PPP2R2C: variants seen among roughly 807,000 people sequenced by gnomAD.
The protein encoded by PPP2R2C is protein phosphatase 2, regulatory subunit B, gamma.
In PPP2R2C, 10 loss-of-function variants were observed where a neutral mutation model predicts 45.3. The observed-to-expected ratio is 0.22, with a 90% CI of 0.14 to 0.37. The LOEUF (loss-of-function observed/expected upper bound fraction) is 0.37. Ranked by LOEUF, PPP2R2C falls within the 10% of genes least tolerant of loss-of-function variation. The pLI, the probability that PPP2R2C is intolerant of heterozygous loss-of-function variation, is 1.00. For synonymous variants in PPP2R2C, 257 were observed against 245.4 expected, an observed-to-expected ratio of 1.05 and a Z score of -0.44; for missense variants, 308 against 619.7, an observed-to-expected ratio of 0.50 and a Z score of 5.34.
intron 2 of PPP2R2C, among the ~76,000 whole-genome samples, chr4:6,493,830 T>C (rs1405745246): frequency 6.6e-6 from 1 of 152,100 alleles, no homozygotes; most frequent in Non-Finnish European, 1.5e-5. Flanking sequence ...GTCGACTCTT[T>C]AGTCGGGAGC....
At chr4:6,445,394 T>C (rs916558096) in intron 1 of PPP2R2C, among the ~76,000 whole-genome samples, 1 of 152,252 alleles carries the variant, frequency 6.6e-6, no homozygotes, top group African/African-American at 2.4e-5. Flanking sequence ...TAAGAGAATT[T>C]AGCCAAGTTT....
intron 1 of PPP2R2C, among the ~76,000 whole-genome samples, chr4:6,460,215 G>C (rs1363952153): frequency 6.6e-6 from 1 of 152,144 alleles, no homozygotes; most frequent in Non-Finnish European, 1.5e-5. Context: ...GACTGTGTTT[G>C]ACAAAAAGGA....
intron 1 of PPP2R2C, among the ~76,000 whole-genome samples, chr4:6,447,810 C>T (rs573249522): frequency 2.9e-3 from 439 of 152,284 alleles, no homozygotes; most frequent in African/African-American, 0.01. Context: ...TTCTCCCGTG[C>T]CTCAGCTACG....
chr4:6,381,382 C>G lies in PPP2R2C; in HGVS notation c.71-288G>C, dbSNP rs1355857027. ...GCAGACTTTATAGTAACTGGACACT[C>G]TATGGGACTCACGGTGGTATCTGAA... On this transcript the variant is annotated intron_variant, in intron 1 of 8. Transcript: ENST00000382599. The G allele has an allele frequency of 2.0e-6, 3 of 1,469,116 alleles. No homozygotes were observed. The Admixed American group carries it at 6.3e-5, about 31-fold the overall frequency. 91.0% of individuals were successfully genotyped at this position (1,469,116 alleles called of 1,614,324 possible). A position where few individuals can be genotyped will look rare whatever the true frequency, so the allele number is the denominator to read the frequency against.
intron 1 of PPP2R2C, among the ~76,000 whole-genome samples, chr4:6,552,875 TAGC>T (rs1454430215): frequency 6.6e-6 from 1 of 152,118 alleles, no homozygotes; most frequent in Non-Finnish European, 1.5e-5. Flanking sequence ...GTCATGTGAG[TAGC>T]AGAGGCAAGA....
In PPP2R2C at chr4:6,378,336, A is replaced by G; in HGVS notation, c.334+71T>C. ...AGAAAAATGCTCACAATATAAGTGA[A>G]ATACAAACCAGCATTTGGTAGAAAC... On this transcript the variant is annotated intron_variant, in intron 3 of 8. Transcript: ENST00000382599. This position sits in a 1 kb window ranked among gnomAD's most constrained non-coding sequence, Gnocchi z 5.2. 1 of 1,604,198 alleles carries G rather than the reference A, an allele frequency of 6.2e-7. No homozygotes were observed. The highest frequency in any genetic ancestry group is 8.5e-7 in the Non-Finnish European group (1 of 1,176,728).
At chr4:6,382,982 A>T in intron 1 of PPP2R2C, 1 of 1,076,026 alleles carries the variant, frequency 9.3e-7, no homozygotes, top group Non-Finnish European at 1.1e-6. Flanking sequence ...GGTGGGCCGC[A>T]TCTGGAGCCA....
At chr4:6,333,074 C>T (rs1240382277) in intron 7 of PPP2R2C, among the ~76,000 whole-genome samples, 1 of 152,236 alleles carries the variant, frequency 6.6e-6, no homozygotes, top group East Asian at 1.9e-4. Flanking sequence ...CCAGGCTTCA[C>T]CTAGACTCCA....
chr4:6,393,865 G>T (rs934502245), intron 1 of PPP2R2C, among the ~76,000 whole-genome samples: 12 of 152,242 alleles, frequency 7.9e-5, no homozygotes, highest in Non-Finnish European at 1.6e-4. Context: ...AGGCTGGACT[G>T]TGCTCAGAGC....
intron 1 of PPP2R2C, among the ~76,000 whole-genome samples, chr4:6,451,577 G>T (rs1286226961): frequency 6.6e-6 from 1 of 152,150 alleles, no homozygotes; most frequent in Non-Finnish European, 1.5e-5. Flanking sequence ...AATCCATCCA[G>T]CCTGTGTTAT....
chr4:6,373,865 G>T (rs374060395), intron 4 of PPP2R2C, among the ~76,000 whole-genome samples: 1 of 152,010 alleles, frequency 6.6e-6, no homozygotes, highest in Admixed American at 6.6e-5. Context: ...GCATGTGAGT[G>T]TGCATGCATG....
At chr4:6,335,646 C>G (rs188864719) in intron 6 of PPP2R2C, among the ~76,000 whole-genome samples, 6 of 151,868 alleles carry the variant, frequency 4.0e-5, no homozygotes, top group African/African-American at 1.4e-4. Context: ...CCCCTCCCGA[C>G]GGAGGAAGGA....
chr4:6,466,237 G>A (rs988325754), intron 1 of PPP2R2C, among the ~76,000 whole-genome samples: 2 of 152,196 alleles, frequency 1.3e-5, no homozygotes, highest in Non-Finnish European at 2.9e-5. Context: ...AGACTCGCCT[G>A]CCACACGTAC....
chr4:6,530,788 A>C (rs1724370502), intron 2 of PPP2R2C, among the ~76,000 whole-genome samples: 1 of 152,218 alleles, frequency 6.6e-6, no homozygotes, highest in Non-Finnish European at 1.5e-5. Context: ...GGCTGCGACC[A>C]CTGTAAGTGG....
chr4:6,418,552 G>C (rs1053714790), intron 1 of PPP2R2C, among the ~76,000 whole-genome samples: 1 of 152,248 alleles, frequency 6.6e-6, no homozygotes, highest in African/African-American at 2.4e-5. Flanking sequence ...GGCTGCGCTA[G>C]GGTAGGGTGG....
Position 6,471,835 on chromosome 4 carries a change from G to A in PPP2R2C, c.70+325C>T. ...CTTCACCAGATTAGCCACAGCCGTG[G>A]CCTTTTAAAAAATTATGGTCAGGGC... On this transcript the variant is annotated intron_variant, in intron 1 of 8. Transcript: ENST00000382599. This position sits in a 1 kb window ranked among gnomAD's most constrained non-coding sequence, Gnocchi z 5.6. 1 of 362,826 alleles carries A rather than the reference G, an allele frequency of 2.8e-6. No individual in the cohort carries two copies. Among genetic ancestry groups the A allele is most frequent in the Non-Finnish European group, 5.1e-6 (1 of 197,934 alleles). The allele number at this position is 362,826 out of a possible 1,614,324, so 22.5% of individuals were successfully genotyped here. A position where few individuals can be genotyped will look rare whatever the true frequency, so the allele number is the denominator to read the frequency against.
chr4:6,425,515 C>T (rs2109400346), intron 1 of PPP2R2C, among the ~76,000 whole-genome samples: 1 of 152,330 alleles, frequency 6.6e-6, no homozygotes, highest in Admixed American at 6.5e-5. Context: ...TCAGAATCAG[C>T]CCGAGAGCAC....
At chr4:6,553,324 A>G (rs1725246755) in intron 1 of PPP2R2C, among the ~76,000 whole-genome samples, 1 of 152,238 alleles carries the variant, frequency 6.6e-6, no homozygotes, top group African/African-American at 2.4e-5. Context: ...CCAGGGCACC[A>G]CACTGGACAG....
chr4:6,548,584 G>C (rs1372186387), intron 1 of PPP2R2C, among the ~76,000 whole-genome samples: 1 of 152,232 alleles, frequency 6.6e-6, no homozygotes, highest in Non-Finnish European at 1.5e-5. Flanking sequence ...AAAGGTAGAA[G>C]AGCCAGTGTG....
Sources: allele counts gnomAD v4.1 joint callset (sites outside exome capture counted in the v4.1 genomes callset), GRCh38; gene constraint gnomAD v4.1.1; non-coding constraint Gnocchi (gnomAD v3.1); transcripts MANE v1.5; gene names NCBI Gene and HGNC (gene_info 2026-07-23, HGNC 2026-07-21).